The following ASB3 variants were observed in gnomAD, a reference collection of about 807,000 sequenced individuals.
ASB3 encodes ankyrin repeat and SOCS box containing 3, also known as ankyrin repeat and SOCS box protein 3.
In ASB3, 41 loss-of-function variants were observed where a neutral mutation model predicts 54.5. That is an observed-to-expected ratio of 0.75 (90% CI 0.59 to 0.98). The LOEUF (loss-of-function observed/expected upper bound fraction) is 0.98. Ranked by LOEUF, ASB3 falls within the 50% of genes least tolerant of loss-of-function variation. The pLI, the probability that ASB3 is intolerant of heterozygous loss-of-function variation, is 0.00. For missense variants in ASB3, 733 were observed against 620.0 expected (o/e 1.18, Z -1.94); for synonymous variants, 266 against 221.2 (o/e 1.20, Z -1.80).
intron 1 of ASB3, among the ~76,000 whole-genome samples, chr2:53,783,854 T>C (rs1264860940): frequency 2.6e-5 from 4 of 152,216 alleles, no homozygotes; most frequent in Admixed American, 2.6e-4. Context: ...AAATTAGTTA[T>C]ACCCCTACAA....
At chr2:53,706,446 T>TC (rs1669774687) in intron 7 of ASB3, among the ~76,000 whole-genome samples, 1 of 151,884 alleles carries the variant, frequency 6.6e-6, no homozygotes, top group African/African-American at 2.4e-5. Context: ...AAAGGCAGCT[T>TC]CTTTTTTTTT....
chr2:53,726,647 C>G (rs951105288), intron 5 of ASB3, among the ~76,000 whole-genome samples: 1 of 151,136 alleles, frequency 6.6e-6, no homozygotes, highest in Non-Finnish European at 1.5e-5. Flanking sequence ...TATATATACA[C>G]ACATATATAT....
intron 9 of ASB3, among the ~76,000 whole-genome samples, chr2:53,692,579 C>T (rs1668974886): frequency 6.6e-6 from 1 of 152,160 alleles, no homozygotes; most frequent in Non-Finnish European, 1.5e-5. Flanking sequence ...ATTTAGTCTA[C>T]TGCAGGGTAA....
At chr2:53,727,115 T>C (rs1373707160) in intron 5 of ASB3, among the ~76,000 whole-genome samples, 1 of 152,190 alleles carries the variant, frequency 6.6e-6, no homozygotes, top group East Asian at 1.9e-4. Context: ...GAAACGAGTC[T>C]AGATCTTTGA....
chr2:53,741,021 T>C (rs192213273), intron 3 of ASB3, among the ~76,000 whole-genome samples: 95 of 152,308 alleles, frequency 6.2e-4, no homozygotes, highest in East Asian at 2.3e-3. Context: ...ATTCAACTTT[T>C]TGAAGCATTC....
intron 5 of ASB3, among the ~76,000 whole-genome samples, chr2:53,720,119 G>C (rs575932037): frequency 6.8e-6 from 1 of 146,032 alleles, no homozygotes; most frequent in East Asian, 2.0e-4. Context: ...GCCTCCTTTG[G>C]AAAGGCTAAT....
At chr2:53,749,904 T>C (rs1020542164) in intron 3 of ASB3, among the ~76,000 whole-genome samples, 3 of 152,054 alleles carry the variant, frequency 2.0e-5, no homozygotes, top group Non-Finnish European at 2.9e-5. Flanking sequence ...AGAACTGTTA[T>C]ATTAAAAAGA....
intron 9 of ASB3, among the ~76,000 whole-genome samples, chr2:53,680,121 C>T (rs1269597775): frequency 6.6e-6 from 1 of 152,192 alleles, no homozygotes; most frequent in Non-Finnish European, 1.5e-5. Context: ...GTATGTACCA[C>T]ATTTTCTTTA....
intron 7 of ASB3, among the ~76,000 whole-genome samples, chr2:53,709,783 G>T (rs1007147643): frequency 6.6e-6 from 1 of 152,122 alleles, no homozygotes; most frequent in Non-Finnish European, 1.5e-5. Flanking sequence ...TTGTGCTTTT[G>T]TACAGTCTTT....
In ASB3 at chr2:53,670,531, G is replaced by A; in HGVS notation, c.1529C>T (p.Pro510Leu). ...TCCATCTTGAATAGCTGCCAGTTCT[G>A]GAACTTCATACATCCTCAGAACGTC... ...YEDVLRMYEV[P>L]ELAAIQDG Residue 510 changes from proline to leucine, a missense_variant, in exon 10 of 10, where the codon CCA (proline) becomes CTA (leucine). Physicochemically the swap from Pro to Leu is moderately conservative, Grantham distance 98. Transcript: ENST00000263634. The A allele has an allele frequency of 6.2e-7, 1 of 1,613,642 alleles. No individual in the cohort carries two copies. Among genetic ancestry groups the A allele is most frequent in the Non-Finnish European group, 8.5e-7 (1 of 1,179,926 alleles).
chr2:53,746,379 C>G (rs1267267766), intron 3 of ASB3, among the ~76,000 whole-genome samples: 2 of 152,064 alleles, frequency 1.3e-5, no homozygotes, highest in African/African-American at 4.8e-5. Flanking sequence ...CACTGACACC[C>G]ATATTATCTA....
At chr2:53,750,682 A>G in intron 3 of ASB3, 101 bp downstream of exon 3, 1 of 1,264,678 alleles carries the variant, frequency 7.9e-7, no homozygotes, top group Non-Finnish European at 1.0e-6. Flanking sequence ...TGCCAAAAGA[A>G]CATACTATAA....
At chr2:53,697,527 A>G (rs928618401) in intron 8 of ASB3, among the ~76,000 whole-genome samples, 7 of 152,186 alleles carry the variant, frequency 4.6e-5, no homozygotes, top group Non-Finnish European at 7.3e-5. Context: ...CCTTTCCAGT[A>G]ACACATAGAT....
chr2:53,750,967 C>G, intron 2 of ASB3, 26 bp from the exon 3 acceptor site: 1 of 1,474,834 alleles, frequency 6.8e-7, no homozygotes, highest in African/African-American at 1.4e-5. Context: ...AGCCCATCAA[C>G]TAGAAGGTAT....
At chr2:53,767,878 C>T (rs748378061) in intron 1 of ASB3, 3 of 1,603,306 alleles carry the variant, frequency 1.9e-6, no homozygotes, top group Non-Finnish European at 2.6e-6. Context: ...GCAGAGGAGC[C>T]GCGAGAAGAT....
chr2:53,693,766 T>C, intron 9 of ASB3, 118 bp downstream of exon 9: 1 of 1,395,526 alleles, frequency 7.2e-7, no homozygotes, highest in African/African-American at 1.5e-5. Flanking sequence ...CATAAGAAAA[T>C]GCAAATTATG....
At chr2:53,719,954 C>G (rs1169388227) in intron 5 of ASB3, among the ~76,000 whole-genome samples, 1 of 152,144 alleles carries the variant, frequency 6.6e-6, no homozygotes, top group Non-Finnish European at 1.5e-5. Flanking sequence ...CTGCTTAGCG[C>G]AACCCTGCCT....
chr2:53,749,584 T>A (rs954582894), intron 3 of ASB3, among the ~76,000 whole-genome samples: 6 of 152,068 alleles, frequency 3.9e-5, no homozygotes, highest in Non-Finnish European at 8.8e-5. Flanking sequence ...CTGTATCACA[T>A]CTATTTAATC....
intron 9 of ASB3, among the ~76,000 whole-genome samples, chr2:53,692,060 G>C (rs1337463576): frequency 6.6e-6 from 1 of 152,110 alleles, no homozygotes; most frequent in African/African-American, 2.4e-5. Context: ...TAGGATGCTT[G>C]GCAGCATCCC....
Sources: gnomAD v4.1 joint callset for allele counts (sites outside exome capture counted in the v4.1 genomes callset) on GRCh38, gnomAD v4.1.1 for gene constraint, MANE v1.5 for transcripts, NCBI Gene and HGNC (gene_info 2026-07-23, HGNC 2026-07-21) for gene names.